Variants in TMEM132B observed in about 807,000 individuals in gnomAD.
TMEM132B encodes transmembrane protein 132B.
TMEM132B carries 18 observed loss-of-function variants against 90.8 expected under a neutral mutation model. The observed-to-expected ratio is 0.20, with a 90% CI of 0.14 to 0.29. The LOEUF (loss-of-function observed/expected upper bound fraction) is 0.29, where lower values mean the gene tolerates loss of function less well. Among genes scored for constraint, TMEM132B ranks in the 10% least tolerant of loss-of-function variants. The pLI is 1.00. For missense variants in TMEM132B, 1,096 were observed against 1,326.8 expected (o/e 0.83, Z 2.70); for synonymous variants, 504 against 523.3 (o/e 0.96, Z 0.50).
At chr12:125,574,300 C>T (rs1884881832) in intron 4 of TMEM132B, among the ~76,000 whole-genome samples, 1 of 152,068 alleles carries the variant, frequency 6.6e-6, no homozygotes, top group Non-Finnish European at 1.5e-5. Flanking sequence ...AGCAGATGCT[C>T]TCTTGTATGA....
intron 1 of TMEM132B, among the ~76,000 whole-genome samples, chr12:125,324,394 T>G (rs563948636): frequency 6.6e-6 from 1 of 152,202 alleles, no homozygotes; most frequent in African/African-American, 2.4e-5. Flanking sequence ...TGCAGGTAGA[T>G]TCATAGGATA....
intron 4 of TMEM132B, among the ~76,000 whole-genome samples, chr12:125,562,121 G>T (rs183692269): frequency 5.9e-5 from 9 of 152,316 alleles, no homozygotes; most frequent in Admixed American, 5.9e-4. Flanking sequence ...ACCACTCACT[G>T]CTTCACCTTG....
At chr12:125,412,968 A>G (rs953588389) in intron 2 of TMEM132B, among the ~76,000 whole-genome samples, 5 of 152,250 alleles carry the variant, frequency 3.3e-5, no homozygotes, top group Non-Finnish European at 5.9e-5. Context: ...GTCTCCGGGA[A>G]TTGCGGGCAT....
intron 3 of TMEM132B, among the ~76,000 whole-genome samples, chr12:125,441,230 A>G (rs1880859171): frequency 6.6e-6 from 1 of 152,244 alleles, no homozygotes; most frequent in Non-Finnish European, 1.5e-5. Context: ...AATTAATATT[A>G]TTAGCATCCA....
At chr12:125,288,803 C>A (rs1875445875) in intron 1 of TMEM132B, among the ~76,000 whole-genome samples, 1 of 152,124 alleles carries the variant, frequency 6.6e-6, no homozygotes, top group Non-Finnish European at 1.5e-5. Flanking sequence ...TGCCAGATGT[C>A]CCCCTGGGGG....
chr12:125,326,489 C>T (rs1876568361), intron 1 of TMEM132B: 11 of 1,003,454 alleles, frequency 1.1e-5, no homozygotes, highest in East Asian at 5.3e-5. Context: ...TCTGACATTC[C>T]GTTGTCCTGG....
chr12:125,191,563 G>C (rs964130499), intron 1 of TMEM132B, among the ~76,000 whole-genome samples: 6 of 152,208 alleles, frequency 3.9e-5, no homozygotes, highest in Non-Finnish European at 5.9e-5. Context: ...ACTCCCAGGT[G>C]GTGGGTAGTC....
chr12:125,451,717 G>A (rs1199798861), intron 3 of TMEM132B, among the ~76,000 whole-genome samples: 1 of 151,740 alleles, frequency 6.6e-6, no homozygotes, highest in African/African-American at 2.4e-5. Flanking sequence ...CAGACATCGT[G>A]TTTTCAGAAA....
chr12:125,364,793 A>G (rs1878075030), intron 2 of TMEM132B, among the ~76,000 whole-genome samples: 1 of 151,966 alleles, frequency 6.6e-6, no homozygotes, highest in Non-Finnish European at 1.5e-5. Flanking sequence ...TTTTCATTTT[A>G]AGATGTTTTG....
At chr12:125,336,784 C>A (rs748549) in intron 1 of TMEM132B, among the ~76,000 whole-genome samples, 2 of 152,022 alleles carry the variant, frequency 1.3e-5, no homozygotes, top group African/African-American at 2.4e-5. Context: ...TACATAAATC[C>A]AACTGATGGC....
chr12:125,626,323 C>T, intron 5 of TMEM132B, among the ~76,000 whole-genome samples: 1 of 152,166 alleles, frequency 6.6e-6, no homozygotes, highest in East Asian at 1.9e-4. Context: ...GTCTTGGCTA[C>T]TGTGAACAGT....
intron 4 of TMEM132B, among the ~76,000 whole-genome samples, chr12:125,544,371 A>G (rs1368756915): frequency 6.6e-6 from 1 of 152,190 alleles, no homozygotes; most frequent in Non-Finnish European, 1.5e-5. Flanking sequence ...TCACAGATTT[A>G]AATTTCATAT....
chr12:125,527,716 C>CCACCCTTCCATCCACCCATT (rs1251188131), intron 4 of TMEM132B, among the ~76,000 whole-genome samples: 1 of 147,080 alleles, frequency 6.8e-6, no homozygotes, highest in Admixed American at 6.6e-5. Flanking sequence ...ATCCACCCAT[C>CCACCCTTCCATCCACCCATT]CACCCTTCCA....
intron 2 of TMEM132B, among the ~76,000 whole-genome samples, chr12:125,351,648 C>T (rs532380940): frequency 9.9e-5 from 15 of 152,238 alleles, no homozygotes; most frequent in South Asian, 2.1e-4. Flanking sequence ...CTGCAGAAAG[C>T]GGCTATCATC....
At chr12:125,517,649 T>C (rs1314777821) in intron 3 of TMEM132B, among the ~76,000 whole-genome samples, 2 of 152,150 alleles carry the variant, frequency 1.3e-5, no homozygotes, top group Admixed American at 6.5e-5. Context: ...TCTCCTATGA[T>C]TTTGAGATCA....
intron 1 of TMEM132B, among the ~76,000 whole-genome samples, chr12:125,344,803 C>A (rs1387167553): frequency 2.0e-5 from 3 of 151,552 alleles, no homozygotes; most frequent in Non-Finnish European, 1.5e-5. Flanking sequence ...ATGAGCTTCC[C>A]CAGCAAGTGC....
At chr12:125,378,595 C>A (rs185269230) in intron 2 of TMEM132B, among the ~76,000 whole-genome samples, 1 of 152,298 alleles carries the variant, frequency 6.6e-6, no homozygotes, top group Non-Finnish European at 1.5e-5. Context: ...GGGAAATAGA[C>A]ATGCACAGCT....
chr12:125,505,193 A>AAAAAAAAAAAAAAAAAAAAAAAAAAAAG (rs1566056628), intron 3 of TMEM132B, among the ~76,000 whole-genome samples: 1 of 145,332 alleles, frequency 6.9e-6, no homozygotes, highest in African/African-American at 2.7e-5. Flanking sequence ...AAAAAAAAAA[A>AAAAAAAAAAAAAAAAAAAAAAAAAAAAG]AACAGTAAGT....
chr12:125,330,029 G>A (rs562576466), intron 1 of TMEM132B, among the ~76,000 whole-genome samples: 95 of 152,320 alleles, frequency 6.2e-4, no homozygotes, highest in Non-Finnish European at 1.1e-3. Flanking sequence ...CCATTGTTCC[G>A]TGGCCGACGC....
Sources: allele counts gnomAD v4.1 joint callset (sites outside exome capture counted in the v4.1 genomes callset), GRCh38; gene constraint gnomAD v4.1.1; transcripts MANE v1.5; gene names NCBI Gene and HGNC (gene_info 2026-07-23, HGNC 2026-07-21).